EPRS1: variants seen among roughly 807,000 people sequenced by gnomAD.
The protein encoded by EPRS1 is glutamyl-prolyl-tRNA synthetase 1.
In EPRS1, 107 loss-of-function variants were observed where a neutral mutation model predicts 188.3. The observed-to-expected ratio is 0.57, with a 90% CI of 0.49 to 0.67. The LOEUF (loss-of-function observed/expected upper bound fraction) is 0.67, where lower values mean the gene tolerates loss of function less well. Among genes scored for constraint, EPRS1 ranks in the 30% least tolerant of loss-of-function variants. EPRS1 has a pLI of 0.00. For synonymous variants in EPRS1, 596 were observed against 593.1 expected (o/e 1.00, Z -0.07); for missense variants, 1,577 against 1,802.2 (o/e 0.88, Z 2.26).
chr1:219,972,222 C>G (rs1231018095), intron 29 of EPRS1, 75 bp from the exon 30 acceptor site: 1 of 928,350 alleles, frequency 1.1e-6, no homozygotes, highest in African/African-American at 1.7e-5. Context: ...CACATAAGCA[C>G]AATTTAATGA....
rs763851211 is a variant in EPRS1, at chr1:219,988,611, A to C, written c.2754T>G (p.Leu918=). 1.2e-6 allele frequency: 2 copies of C among 1,612,708 alleles called. No homozygotes were observed. Among genetic ancestry groups the C allele is most frequent in the Non-Finnish European group, 1.7e-6 (2 of 1,178,890 alleles). ...VASQGEVVRK[L]KTEKAPKDQV... ...TAACCTTAGGGGCTTTTTCAGTTTT[A>C]AGTTTCCGAACTACTTCCCCTTGAG... The change falls in exon 19 of 32, where the codon CTT becomes CTG. Residue 918 remains leucine (L), a synonymous_variant. Coordinates refer to ENST00000366923, the MANE Select transcript of EPRS1 (RefSeq NM_004446.3).
At chr1:220,044,931 T>C (rs1174495128) in intron 1 of EPRS1, among the ~76,000 whole-genome samples, 1 of 152,178 alleles carries the variant, frequency 6.6e-6, no homozygotes, top group Admixed American at 6.5e-5. Context: ...CTAATGCCTT[T>C]CCAGCTCAGG....
At chr1:220,028,417 T>G (rs371431047) in intron 6 of EPRS1, among the ~76,000 whole-genome samples, 1 of 151,782 alleles carries the variant, frequency 6.6e-6, no homozygotes, top group South Asian at 2.1e-4. Flanking sequence ...ACTAAAATCA[T>G]CAGTTAAAGA....
At chr1:219,996,465 C>G (rs1004172611) in intron 18 of EPRS1, among the ~76,000 whole-genome samples, 1 of 152,138 alleles carries the variant, frequency 6.6e-6, no homozygotes, top group Admixed American at 6.6e-5. Flanking sequence ...TTTAGAAATG[C>G]GTATTCTCCA....
At position 220,026,668 on chromosome 1, in the gene EPRS1, C is replaced by T. The variant is rs564479231; in HGVS notation, c.624-1410G>A. On this transcript the variant is annotated intron_variant, in intron 6 of 31. Transcript: ENST00000366923. Reference sequence around the variant, plus strand: ...ACCTCAGCCTCCCAAGTAGCTGATACTACAGGTGCCTGCCACCATGCCCGG... The same window carrying T: ...ACCTCAGCCTCCCAAGTAGCTGATATTACAGGTGCCTGCCACCATGCCCGG... Among the ~76,000 whole-genome samples the T allele has an allele frequency of 4.0e-5, 6 of 151,858 alleles. No homozygotes were observed. The East Asian group carries it at 1.2e-3, about 30-fold the overall frequency.
rs749662281 is a variant in EPRS1, at chr1:219,973,276, T to G, written c.4206A>C (p.Gln1402His). 5 of 1,612,716 alleles carry G rather than the reference T, an allele frequency of 3.1e-6. No homozygotes were observed. The Admixed American group carries it at 5.0e-5, about 16-fold the overall frequency. ...TGACCTGGATGTCTTCCAAAATAGC[T>G]TGAAGTTTAGTCTCTGCCTCATTTT... ...VAENEAETKL[Q>H]AILEDIQVTL... The change falls in exon 29 of 32, where the codon CAA becomes CAC. Residue 1402 changes from glutamine to histidine, a missense_variant. Transcript: ENST00000366923.
chr1:220,003,100 T>C (rs936092413), intron 16 of EPRS1, among the ~76,000 whole-genome samples: 4 of 152,210 alleles, frequency 2.6e-5, no homozygotes, highest in Non-Finnish European at 4.4e-5. Context: ...CTACCAGCAA[T>C]ACATATGGGT....
chr1:219,974,387 T>C (rs547108456), intron 28 of EPRS1, among the ~76,000 whole-genome samples: 5 of 152,236 alleles, frequency 3.3e-5, no homozygotes, highest in Non-Finnish European at 7.3e-5. Context: ...GACTTGGGAA[T>C]GTTCAATCTT....
At chr1:220,046,205 C>T (rs534401067) in intron 1 of EPRS1, 138 bp downstream of exon 1, 2 of 1,011,228 alleles carry the variant, frequency 2.0e-6, no homozygotes, top group Admixed American at 2.2e-5. Context: ...CCTCCACGTA[C>T]AATTCTGGGG....
rs150857685 is a variant in EPRS1 at position 219,978,633 on chromosome 1, C to T, written c.3996G>A (p.Arg1332=). The change falls in exon 28 of 32, where the codon AGG becomes AGA. Residue 1332 remains arginine, a synonymous_variant. Transcript: ENST00000366923. The part of the protein sequence containing the change: ...ALIAKCNDYR[R]RLLSVNIRVR... ...CGCGGATGTTAACACTGAGTAATCG[C>T]CTTCGATAATCATTGCATTTTGCAA... 8 of 1,612,086 alleles carry T rather than the reference C, an allele frequency of 5.0e-6. No individual in the cohort carries two copies. The African/African-American group carries it at 8.0e-5, about 16-fold the overall frequency.
intron 20 of EPRS1, among the ~76,000 whole-genome samples, chr1:219,985,596 A>C (rs543415349): frequency 2.0e-5 from 3 of 151,132 alleles, no homozygotes; most frequent in African/African-American, 7.3e-5. Flanking sequence ...GTAGAGGCGG[A>C]GCTTTGACAT....
chr1:220,026,909 A>G (rs1661983645), intron 6 of EPRS1, among the ~76,000 whole-genome samples: 1 of 151,914 alleles, frequency 6.6e-6, no homozygotes. Flanking sequence ...AATAATATAA[A>G]AATTCATAAA....
rs1266320119 is a variant in EPRS1 at position 220,007,300 on chromosome 1, G to C, written c.1644C>G (p.Pro548=). 1 of 1,613,876 alleles carries C rather than the reference G, an allele frequency of 6.2e-7. No homozygotes were observed. The highest frequency in any genetic ancestry group is 1.7e-5 in the Admixed American group (1 of 60,008). Residue 548 remains proline, a synonymous_variant, in exon 14 of 32, where the codon CCC becomes CCG. Transcript: ENST00000366923. ...CATCAGCACCTTCAATGAAAACTTT[G>C]GGACTATACCACACAGGCTTCAAGC... ...EVGLKPVWYS[P]KVFIEGADAE...
chr1:219,982,964 T>C (rs1660928320), intron 22 of EPRS1, 120 bp from the exon 23 acceptor site: 17 of 898,706 alleles, frequency 1.9e-5, no homozygotes, highest in Non-Finnish European at 2.3e-5. Context: ...CAAGTTAAAA[T>C]AGTCGCTGCT....
rs767220792 is a variant in EPRS1, at chr1:220,007,325, C to G, written c.1619G>C (p.Gly540Ala). Residue 540 changes from glycine (G) to alanine (A), a missense_variant, in exon 14 of 32, where the codon GGC (glycine) becomes GCC (alanine). This residue lies in a region of EPRS1 where 1,278 missense variants were observed against 1,457.4 expected (regional missense o/e 0.88). Transcript: ENST00000366923. The part of the protein sequence containing the change: ...VAKHPKNPEV[G>A]LKPVWYSPKV... ...GGGACTATACCACACAGGCTTCAAG[C>G]CAACCTCAGGATTCTGATTGATAAA... The G allele has an allele frequency of 4.3e-6, 7 of 1,609,850 alleles. No homozygotes were observed. The East Asian group carries it at 1.3e-4, about 31-fold the overall frequency.
At chr1:219,976,133 C>G (rs1333616537) in intron 28 of EPRS1, among the ~76,000 whole-genome samples, 1 of 152,082 alleles carries the variant, frequency 6.6e-6, no homozygotes, top group Non-Finnish European at 1.5e-5. Flanking sequence ...AATGGTCAAG[C>G]CGAAGACACT....
chr1:219,972,443 A>G (rs556425060), intron 29 of EPRS1, among the ~76,000 whole-genome samples: 23 of 152,172 alleles, frequency 1.5e-4, no homozygotes, highest in Non-Finnish European at 2.9e-4. Context: ...TTAACACATT[A>G]CCTATGGGAG....
chr1:219,999,146 T>C (rs752365639), intron 17 of EPRS1, among the ~76,000 whole-genome samples: 8 of 152,206 alleles, frequency 5.3e-5, no homozygotes, highest in Middle Eastern at 3.4e-3. Flanking sequence ...CATTAAGCCC[T>C]GGATGAGAAT....
In EPRS1 at chr1:220,040,241, T is replaced by C; in HGVS notation, c.75A>G (p.Lys25=). 6.2e-7 allele frequency: 1 copy of C among 1,609,378 alleles called. No individual in the cohort carries two copies. Among genetic ancestry groups the C allele is most frequent in the South Asian group, 1.1e-5 (1 of 90,418 alleles). ...CTTCAACGGAAATGCTGACATCGTC[T>C]TTCACGTGTTCTACTGCCAGCAAAG... is the stretch of plus-strand genomic sequence containing the variant. ...LGALLAVEHV[K]DDVSISVEEG... The change falls in exon 2 of 32, where the codon AAA becomes AAG. Residue 25 remains lysine, a synonymous_variant. Coordinates refer to ENST00000366923, the MANE Select transcript of EPRS1 (RefSeq NM_004446.3).
Sources: allele counts gnomAD v4.1 joint callset (sites outside exome capture counted in the v4.1 genomes callset), GRCh38; gene constraint gnomAD v4.1.1; regional missense constraint gnomAD v4.1.1; transcripts MANE v1.5; gene names NCBI Gene and HGNC (gene_info 2026-07-23, HGNC 2026-07-21).